Variants in VPS13C observed in about 807,000 individuals in gnomAD.
VPS13C encodes the protein intermembrane lipid transfer protein VPS13C.
A neutral mutation model predicts 456.8 loss-of-function variants in VPS13C; 358 were observed. That is an observed-to-expected ratio of 0.78 (90% CI 0.72 to 0.86). The LOEUF (loss-of-function observed/expected upper bound fraction) is 0.86. VPS13C is among the 40% of genes least tolerant of loss of function. The probability of loss-of-function intolerance (pLI) is 0.00; values close to 1 mark genes in which losing one functional copy is unlikely to be tolerated. For synonymous variants in VPS13C, 1,578 were observed against 1,486.7 expected, an observed-to-expected ratio of 1.06 and a Z score of -1.41; for missense variants, 4,818 against 4,385.4, an observed-to-expected ratio of 1.10 and a Z score of -2.79.
intron 12 of VPS13C, among the ~76,000 whole-genome samples, 173 bp from the exon 13 acceptor site, chr15:62,010,772 T>C (rs577455672): frequency 6.6e-6 from 1 of 152,300 alleles, no homozygotes; most frequent in Non-Finnish European, 1.5e-5. Context: ...CTTATATGCA[T>C]AATAATAAGC....
chr15:61,950,243 T>G (rs927870517), intron 41 of VPS13C, 115 bp downstream of exon 41: 3 of 745,816 alleles, frequency 4.0e-6, no homozygotes, highest in Non-Finnish European at 2.3e-6. Flanking sequence ...TTAGGAATAT[T>G]ATTATTGCCA....
Position 61,890,201 on chromosome 15 carries a change from T to C in VPS13C, c.9305A>G (p.Glu3102Gly). The change falls in exon 67 of 85, where the codon GAA (glutamate) becomes GGA (glycine). Residue 3102 changes from glutamate to glycine, a missense_variant. Glu to Gly is a moderately conservative substitution (Grantham distance 98). Coordinates refer to ENST00000644861, the MANE Select transcript of VPS13C (RefSeq NM_020821.3). ...HSLGLSLVNN[E>G]SKQEVSYIGI... ...AATATAGGAAACTTCCTGCTTGCTT[T>C]CATTGTTAACCAGTGAAAGCCCAAG... The C allele has an allele frequency of 6.2e-7, 1 of 1,614,112 alleles. No homozygotes were observed.
chr15:62,001,775 T>G (rs1345928780), intron 15 of VPS13C, among the ~76,000 whole-genome samples: 1 of 152,216 alleles, frequency 6.6e-6, no homozygotes, highest in South Asian at 2.1e-4. Context: ...GGTGTTTGGT[T>G]TTTTGTTCTT....
chr15:61,957,482 TGAA>T (rs1032973899), intron 37 of VPS13C, among the ~76,000 whole-genome samples: 2 of 152,142 alleles, frequency 1.3e-5, no homozygotes, highest in African/African-American at 4.8e-5. Flanking sequence ...TTTTTAATAA[TGAA>T]AAATACAATG....
At chr15:61,909,735 G>C (rs908641489) in intron 64 of VPS13C, among the ~76,000 whole-genome samples, 4 of 152,040 alleles carry the variant, frequency 2.6e-5, no homozygotes, top group African/African-American at 9.7e-5. Context: ...CATTTTTTAT[G>C]GCTGCATAGT....
chr15:61,855,083 A>C, intron 83 of VPS13C, 129 bp from the exon 84 acceptor site: 1 of 678,772 alleles, frequency 1.5e-6, no homozygotes, highest in East Asian at 2.8e-5. Flanking sequence ...CACATATTCA[A>C]GTAAGATATG....
intron 36 of VPS13C, 144 bp from the exon 37 acceptor site, chr15:61,958,860 A>C (rs1293285756): frequency 2.1e-6 from 1 of 473,870 alleles, no homozygotes; most frequent in Non-Finnish European, 3.6e-6. Flanking sequence ...CAACTCACTT[A>C]AGTATTGCAC....
intron 57 of VPS13C, 33 bp from the exon 58 acceptor site, chr15:61,919,482 A>G (rs1053036006): frequency 7.5e-6 from 11 of 1,463,048 alleles, no homozygotes; most frequent in Admixed American, 5.5e-5. Context: ...AGAATTCCAA[A>G]TATTAATTTG....
chr15:61,867,454 G>C lies in VPS13C; in HGVS notation c.10863+1205C>G. The C allele has an allele frequency of 4.0e-6, 4 of 987,692 alleles. No homozygotes were observed. The highest frequency in any genetic ancestry group is 4.8e-6 in the Non-Finnish European group (4 of 831,694). 61.2% of individuals were successfully genotyped at this position (987,692 alleles called of 1,614,324 possible). On this transcript the variant is annotated intron_variant, in intron 81 of 84. Coordinates refer to ENST00000644861, the MANE Select transcript of VPS13C (RefSeq NM_020821.3). The surrounding 1 kb of genome is among the most constrained non-coding windows in gnomAD (Gnocchi z 5.0). ...TCAATTATTAAAGCAGATGCTCCAG[G>C]TAATAGTCCCGTAACTTAAGCAAAT...
At chr15:61,903,057 G>A (rs1477250897) in intron 66 of VPS13C, among the ~76,000 whole-genome samples, 1 of 152,090 alleles carries the variant, frequency 6.6e-6, no homozygotes, top group East Asian at 1.9e-4. Flanking sequence ...TGGGCACAGT[G>A]GCTCATGCCT....
Position 61,881,770 on chromosome 15 carries a change from G to A in VPS13C, c.9683C>T (p.Pro3228Leu). 1 of 1,609,080 alleles carries A rather than the reference G, an allele frequency of 6.2e-7. No individual in the cohort carries two copies. The highest frequency in any genetic ancestry group is 8.5e-7 in the Non-Finnish European group (1 of 1,178,626). ...ACCTGAATCTAAAGCAATAGATTTTGGAGGGGCAACAGGATGAAATACAAC... is the reference window on the plus strand; with the variant it reads ...ACCTGAATCTAAAGCAATAGATTTTAGAGGGGCAACAGGATGAAATACAAC... ...FPVVFHPVAP[P>L]KSIALDSEPK... The change falls in exon 70 of 85, where the codon CCA becomes CTA. Residue 3228 changes from proline (P) to leucine (L), a missense_variant. By Grantham distance (98) the Pro-to-Leu change is moderately conservative (BLOSUM62 -3). Transcript: ENST00000644861.
chr15:62,008,498 A>G (rs1398549497), intron 14 of VPS13C, among the ~76,000 whole-genome samples, 157 bp downstream of exon 14: 2 of 152,136 alleles, frequency 1.3e-5, no homozygotes, highest in African/African-American at 4.8e-5. Flanking sequence ...AGCTGTTTTT[A>G]TAAGTAATCA....
At chr15:61,881,908 C>T in intron 69 of VPS13C, 80 bp from the exon 70 acceptor site, 2 of 1,226,744 alleles carry the variant, frequency 1.6e-6, no homozygotes, top group South Asian at 3.2e-5. Flanking sequence ...ATAGAAGAGG[C>T]CACCACTTTC....
chr15:62,051,015 A>G (rs1257727880), intron 1 of VPS13C, among the ~76,000 whole-genome samples: 1 of 152,138 alleles, frequency 6.6e-6, no homozygotes, highest in African/African-American at 2.4e-5. Context: ...AAATGGTACT[A>G]GCACAATAAG....
At chr15:62,050,306 C>G (rs2048574269) in intron 1 of VPS13C, among the ~76,000 whole-genome samples, 1 of 152,210 alleles carries the variant, frequency 6.6e-6, no homozygotes, top group Admixed American at 6.5e-5. Context: ...TAAGGAAATT[C>G]TGTGAAGCGA....
At chr15:61,881,359 A>C (rs1895834361) in intron 71 of VPS13C, among the ~76,000 whole-genome samples, 1 of 152,188 alleles carries the variant, frequency 6.6e-6, no homozygotes, top group Admixed American at 6.6e-5. Flanking sequence ...AAGATGGTTG[A>C]AGAAATTCTA....
At chr15:62,004,837 G>A (rs2140478721) in intron 15 of VPS13C, among the ~76,000 whole-genome samples, 1 of 152,218 alleles carries the variant, frequency 6.6e-6, no homozygotes, top group South Asian at 2.1e-4. Context: ...GGTTTTGAGT[G>A]AGATTCTTAA....
intron 2 of VPS13C, among the ~76,000 whole-genome samples, chr15:62,041,888 T>A (rs2048254697): frequency 6.6e-6 from 1 of 151,952 alleles, no homozygotes; most frequent in Admixed American, 6.6e-5. Flanking sequence ...AAATGATAAA[T>A]AGTAAAAATA....
chr15:61,899,006 G>A (rs1199879733), intron 66 of VPS13C, among the ~76,000 whole-genome samples: 5 of 81,388 alleles, frequency 6.1e-5, no homozygotes, highest in Admixed American at 3.2e-4. Flanking sequence ...AATGACTACT[G>A]GGTACATAAC....
Sources: gnomAD v4.1 joint callset for allele counts (sites outside exome capture counted in the v4.1 genomes callset) on GRCh38, gnomAD v4.1.1 for gene constraint, Gnocchi (gnomAD v3.1) non-coding constraint, MANE v1.5 for transcripts, NCBI Gene and HGNC (gene_info 2026-07-23, HGNC 2026-07-21) for gene names.